GRM7: variants seen among roughly 807,000 people sequenced by gnomAD.
GRM7 encodes the protein metabotropic glutamate receptor 7.
GRM7 carries 35 observed loss-of-function variants against 84.5 expected under a neutral mutation model. That is an observed-to-expected ratio of 0.41 (90% CI 0.32 to 0.55). GRM7 has a LOEUF of 0.55. GRM7 is among the 20% of genes least tolerant of loss of function. The pLI, the probability that GRM7 is intolerant of heterozygous loss-of-function variation, is 0.19. For synonymous variants in GRM7, 487 were observed against 455.1 expected, an observed-to-expected ratio of 1.07 and a Z score of -0.89; for missense variants, 1,003 against 1,194.6, an observed-to-expected ratio of 0.84 and a Z score of 2.36.
At chr3:7,420,670 A>G (rs376902738) in intron 5 of GRM7, among the ~76,000 whole-genome samples, 4 of 152,074 alleles carry the variant, frequency 2.6e-5, no homozygotes, top group African/African-American at 9.7e-5. Context: ...ATCTTCCCCT[A>G]CCTACCTCTA....
At chr3:7,584,664 T>G (rs1255411307) in intron 8 of GRM7, among the ~76,000 whole-genome samples, 1 of 152,188 alleles carries the variant, frequency 6.6e-6, no homozygotes, top group Admixed American at 6.5e-5. Flanking sequence ...TAGTTGAGTA[T>G]TACAATAATT....
intron 7 of GRM7, among the ~76,000 whole-genome samples, chr3:7,513,715 C>T (rs1468226709): frequency 6.6e-6 from 1 of 152,098 alleles, no homozygotes; most frequent in Non-Finnish European, 1.5e-5. Context: ...ATAATGTTTC[C>T]TGTAAATATA....
intron 1 of GRM7, among the ~76,000 whole-genome samples, chr3:6,874,964 A>G (rs989138778): frequency 6.6e-6 from 1 of 151,868 alleles, no homozygotes; most frequent in African/African-American, 2.4e-5. Context: ...TGACTCATCC[A>G]CTCTATTTAA....
chr3:7,206,918 C>T (rs1364701525), intron 2 of GRM7, among the ~76,000 whole-genome samples: 2 of 152,020 alleles, frequency 1.3e-5, no homozygotes, highest in Non-Finnish European at 2.9e-5. Context: ...GATGGAGTGT[C>T]AGAGAAGTTT....
chr3:6,983,565 T>G lies in GRM7; in HGVS notation c.519+121658T>G, dbSNP rs189175273. Among the ~76,000 whole-genome samples the G allele has an allele frequency of 9.1e-3, 1,389 of 152,288 alleles. 8 individuals are homozygous for G. The highest frequency in any genetic ancestry group is 0.027 in the South Asian group (131 of 4,824). ...GGTCTAGTTACTGTTCCTAATAATT[T>G]TCTTACATAAAATGAACTCAAGGTT... On this transcript the variant is annotated intron_variant, in intron 1 of 9. Transcript: ENST00000357716.
intron 5 of GRM7, among the ~76,000 whole-genome samples, chr3:7,426,394 A>G (rs1036344589): frequency 2.0e-5 from 3 of 151,400 alleles, no homozygotes; most frequent in Admixed American, 6.6e-5. Flanking sequence ...CCTATCTCAT[A>G]CTCCTGGGAC....
At chr3:7,718,277 C>T (rs162788) in intron 9 of GRM7, among the ~76,000 whole-genome samples, 142,951 of 152,288 alleles carry the variant, frequency 0.94, 67,186 homozygotes, top group African/African-American at 0.98. Context: ...ATCAACCATG[C>T]AATATAATCC....
chr3:7,162,476 T>G (rs1382186060), intron 2 of GRM7, among the ~76,000 whole-genome samples: 2 of 152,082 alleles, frequency 1.3e-5, no homozygotes, highest in Non-Finnish European at 2.9e-5. Flanking sequence ...TTATTGAGCT[T>G]TGCAACATGG....
At chr3:7,279,714 C>A (rs1484487314) in intron 2 of GRM7, among the ~76,000 whole-genome samples, 1 of 152,160 alleles carries the variant, frequency 6.6e-6, no homozygotes, top group Admixed American at 6.5e-5. Context: ...TAAGACACAG[C>A]TGAACTCTGT....
At chr3:7,551,776 T>G (rs1444770197) in intron 7 of GRM7, among the ~76,000 whole-genome samples, 1 of 152,152 alleles carries the variant, frequency 6.6e-6, no homozygotes, top group African/African-American at 2.4e-5. Context: ...ATTATCACAG[T>G]GCCTGGTACA....
chr3:7,099,560 C>G (rs921161078), intron 1 of GRM7, among the ~76,000 whole-genome samples: 5 of 145,188 alleles, frequency 3.4e-5, no homozygotes, highest in Non-Finnish European at 7.6e-5. Context: ...TGTATATGTA[C>G]ACGCATTATA....
intron 7 of GRM7, among the ~76,000 whole-genome samples, chr3:7,549,969 C>A (rs939612199): frequency 6.6e-6 from 1 of 152,220 alleles, no homozygotes; most frequent in African/African-American, 2.4e-5. Context: ...ATCACTGCTG[C>A]TCTTTTTATA....
intron 7 of GRM7, among the ~76,000 whole-genome samples, chr3:7,507,301 C>T (rs1179183618): frequency 6.6e-6 from 1 of 152,120 alleles, no homozygotes; most frequent in African/African-American, 2.4e-5. Context: ...AGTGTCTGGT[C>T]AGGACACAGC....
At chr3:6,945,810 C>G (rs1293427055) in intron 1 of GRM7, among the ~76,000 whole-genome samples, 3 of 152,102 alleles carry the variant, frequency 2.0e-5, no homozygotes, top group Admixed American at 6.5e-5. Context: ...TCTCTGATGG[C>G]CAGTGATGGT....
intron 8 of GRM7, among the ~76,000 whole-genome samples, chr3:7,592,198 C>A (rs1002550826): frequency 4.6e-5 from 7 of 151,656 alleles, no homozygotes; most frequent in African/African-American, 1.7e-4. Flanking sequence ...TTCTAGTAGC[C>A]AGAGACAGAC....
intron 8 of GRM7, among the ~76,000 whole-genome samples, chr3:7,580,116 CTT>C (rs1282250388): frequency 1.3e-5 from 2 of 152,204 alleles, no homozygotes; most frequent in Non-Finnish European, 2.9e-5. Context: ...TCTTGTGAAT[CTT>C]TGATTTAGAC....
chr3:7,054,524 A>C (rs111512300), intron 1 of GRM7, among the ~76,000 whole-genome samples: 4,647 of 151,762 alleles, frequency 0.031, 189 homozygotes, highest in African/African-American at 0.093. Flanking sequence ...TCATTCTTGC[A>C]TTGGTCCCTG....
chr3:7,332,359 G>A (rs940297019), intron 4 of GRM7, among the ~76,000 whole-genome samples: 2 of 152,136 alleles, frequency 1.3e-5, no homozygotes, highest in Admixed American at 1.3e-4. Context: ...TTGGACTTTG[G>A]CTGCAGCCTT....
chr3:7,697,937 G>A (rs983856404), intron 9 of GRM7, among the ~76,000 whole-genome samples: 6 of 152,096 alleles, frequency 3.9e-5, no homozygotes, highest in African/African-American at 9.7e-5. Context: ...TCTTGTGTTC[G>A]AACAAATCGT....
Sources: gnomAD v4.1 joint callset for allele counts (sites outside exome capture counted in the v4.1 genomes callset) on GRCh38, gnomAD v4.1.1 for gene constraint, MANE v1.5 for transcripts, NCBI Gene and HGNC (gene_info 2026-07-23, HGNC 2026-07-21) for gene names.